WWOX: variants seen among roughly 807,000 people sequenced by gnomAD.
WWOX encodes the protein WW domain containing oxidoreductase, also known as WW domain-containing oxidoreductase.
Under a neutral mutation model 46.2 loss-of-function variants are expected in WWOX, and 69 were observed. The observed-to-expected ratio is 1.49, with a 90% CI of 1.23 to 1.82. The LOEUF (loss-of-function observed/expected upper bound fraction) is 1.82. WWOX is among the 40% of genes most tolerant of loss of function. WWOX has a pLI of 0.00. For missense variants in WWOX, 919 were observed against 542.6 expected (o/e 1.69, Z -6.89); for synonymous variants, 359 against 202.6 (o/e 1.77, Z -6.56).
intron 8 of WWOX, among the ~76,000 whole-genome samples, chr16:78,566,275 T>C (rs957753607): frequency 6.6e-6 from 1 of 152,162 alleles, no homozygotes; most frequent in Non-Finnish European, 1.5e-5. Flanking sequence ...GGCTTCAGCA[T>C]ATGAATTTGG....
At chr16:79,146,463 A>G (rs1007568904) in intron 8 of WWOX, among the ~76,000 whole-genome samples, 7 of 152,172 alleles carry the variant, frequency 4.6e-5, no homozygotes, top group Non-Finnish European at 1.0e-4. Context: ...GCAGCGTAGT[A>G]GAAGGGTCTT....
intron 8 of WWOX, among the ~76,000 whole-genome samples, chr16:78,888,357 C>T (rs988481883): frequency 6.6e-6 from 1 of 152,180 alleles, no homozygotes; most frequent in Non-Finnish European, 1.5e-5. Context: ...ATCCCAGGTA[C>T]CTGCCCAGAG....
At chr16:78,861,304 C>G (rs1473838639) in intron 8 of WWOX, among the ~76,000 whole-genome samples, 2 of 152,228 alleles carry the variant, frequency 1.3e-5, no homozygotes, top group East Asian at 1.9e-4. Flanking sequence ...ATGCATCCAT[C>G]CATCCACCTA....
At chr16:78,828,060 G>A (rs1437684278) in intron 8 of WWOX, among the ~76,000 whole-genome samples, 1 of 152,156 alleles carries the variant, frequency 6.6e-6, no homozygotes, top group South Asian at 2.1e-4. Context: ...GCAACTGGGA[G>A]CCCTGGTGTG....
At chr16:79,041,264 T>C (rs140809945) in intron 8 of WWOX, among the ~76,000 whole-genome samples, 2 of 152,264 alleles carry the variant, frequency 1.3e-5, no homozygotes, top group East Asian at 3.9e-4. Context: ...CTTTCTTCCT[T>C]CATAAGGTTA....
chr16:78,932,974 A>G (rs62035963), intron 8 of WWOX, among the ~76,000 whole-genome samples: 18,228 of 152,218 alleles, frequency 0.12, 1,228 homozygotes, highest in Middle Eastern at 0.16. Flanking sequence ...TGTTGAATCA[A>G]TAGACCACGT....
intron 7 of WWOX, among the ~76,000 whole-genome samples, chr16:78,431,661 C>G (rs2083219988): frequency 7.1e-6 from 1 of 140,464 alleles, no homozygotes; most frequent in African/African-American, 2.6e-5. Context: ...GAGTGTGGGT[C>G]TTTATTGAAG....
chr16:79,005,013 G>A (rs77813976), intron 8 of WWOX, among the ~76,000 whole-genome samples: 1 of 152,264 alleles, frequency 6.6e-6, no homozygotes, highest in South Asian at 2.1e-4. Flanking sequence ...GGAAGGGAGA[G>A]GGAAGGAAGA....
At chr16:78,575,031 ATAT>A in intron 8 of WWOX, among the ~76,000 whole-genome samples, 1 of 1,754 alleles carries the variant, frequency 5.7e-4, no homozygotes, top group African/African-American at 2.8e-3. Flanking sequence ...AAATATATAT[ATAT>A]ATATATATAT....
At chr16:78,119,395 T>C (rs1006952752) in intron 4 of WWOX, among the ~76,000 whole-genome samples, 3 of 152,162 alleles carry the variant, frequency 2.0e-5, no homozygotes, top group South Asian at 2.1e-4. Flanking sequence ...ATAAATACTT[T>C]AGTATAAAAT....
At chr16:78,391,886 C>T (rs115002756) in intron 6 of WWOX, among the ~76,000 whole-genome samples, 1 of 152,038 alleles carries the variant, frequency 6.6e-6, no homozygotes, top group African/African-American at 2.4e-5. Context: ...AAACAAGAAA[C>T]ATTTCTTTTG....
At chr16:78,569,632 T>A (rs1036808296) in intron 8 of WWOX, among the ~76,000 whole-genome samples, 4 of 152,244 alleles carry the variant, frequency 2.6e-5, no homozygotes, top group African/African-American at 9.6e-5. Flanking sequence ...CTACACTGAT[T>A]AATCACAGTT....
chr16:78,500,637 G>T (rs534523078), intron 8 of WWOX, among the ~76,000 whole-genome samples: 2 of 152,132 alleles, frequency 1.3e-5, no homozygotes, highest in African/African-American at 4.8e-5. Flanking sequence ...TTTATAAAAT[G>T]GGGGGCTTAG....
At chr16:78,652,657 G>C (rs1019591029) in intron 8 of WWOX, among the ~76,000 whole-genome samples, 3 of 152,148 alleles carry the variant, frequency 2.0e-5, no homozygotes, top group Non-Finnish European at 4.4e-5. Context: ...GACCACCCAT[G>C]ACTCTGGATT....
intron 8 of WWOX, among the ~76,000 whole-genome samples, chr16:78,561,106 G>A (rs2044424438): frequency 6.6e-6 from 1 of 152,172 alleles, no homozygotes. Flanking sequence ...GATCCTTGAA[G>A]TTGTAAGACT....
intron 5 of WWOX, among the ~76,000 whole-genome samples, chr16:78,367,860 T>A (rs2081576434): frequency 6.6e-6 from 1 of 151,968 alleles, no homozygotes; most frequent in South Asian, 2.1e-4. Flanking sequence ...GAGTTCAAGC[T>A]ATTCTTCTGT....
At chr16:78,729,299 A>G (rs1366033084) in intron 8 of WWOX, among the ~76,000 whole-genome samples, 1 of 151,790 alleles carries the variant, frequency 6.6e-6, no homozygotes, top group Non-Finnish European at 1.5e-5. Flanking sequence ...CTATGATTGC[A>G]CCACTGCACT....
chr16:78,614,270 C>G (rs180746588), intron 8 of WWOX, among the ~76,000 whole-genome samples: 1 of 152,174 alleles, frequency 6.6e-6, no homozygotes. Flanking sequence ...CCAGCTTGGG[C>G]AGTATAGATA....
chr16:78,705,651 A>G lies in WWOX; in HGVS notation c.1056+272899A>G, dbSNP rs73571484. 2.5e-3 allele frequency among the ~76,000 whole-genome samples: 380 copies of G among 152,310 alleles called. 1 individual carries two copies. The highest frequency in any genetic ancestry group is 8.3e-3 in the African/African-American group (347 of 41,574). ...GAAAAGCTGATGTTGTAGCTGTATG[A>G]TCACCCATGTAAAACTGTTTATTTA... On this transcript the variant is annotated intron_variant, in intron 8 of 8. Transcript: ENST00000566780.
Sources: gnomAD v4.1 joint callset for allele counts (sites outside exome capture counted in the v4.1 genomes callset) on GRCh38, gnomAD v4.1.1 for gene constraint, MANE v1.5 for transcripts, NCBI Gene and HGNC (gene_info 2026-07-23, HGNC 2026-07-21) for gene names.